Variants in STAG1 observed in about 807,000 individuals in gnomAD.
STAG1 encodes the protein STAG1 cohesin complex component, also known as cohesin subunit SA-1.
Under a neutral mutation model 170.9 loss-of-function variants are expected in STAG1, and 26 were observed. The ratio of observed to expected loss-of-function variants is 0.15; its 90% CI spans 0.11 to 0.21. The LOEUF is 0.21. STAG1 is among the 10% of genes least tolerant of loss of function. The pLI is 1.00. For missense variants in STAG1, 964 were observed against 1,509.5 expected, an observed-to-expected ratio of 0.64 and a Z score of 5.99; for synonymous variants, 514 against 497.7, an observed-to-expected ratio of 1.03 and a Z score of -0.44.
At chr3:136,411,653 AAAT>A (rs1021533192) in intron 21 of STAG1, among the ~76,000 whole-genome samples, 5 of 152,112 alleles carry the variant, frequency 3.3e-5, no homozygotes, top group East Asian at 1.9e-4. Flanking sequence ...GATGCTTAAA[AAAT>A]AATAATAATA....
At chr3:136,537,363 G>A (rs1935680707) in intron 6 of STAG1, among the ~76,000 whole-genome samples, 1 of 152,156 alleles carries the variant, frequency 6.6e-6, no homozygotes. Context: ...AAATTTAACA[G>A]AGTAGCAAAG....
intron 5 of STAG1, among the ~76,000 whole-genome samples, chr3:136,556,577 T>TG (rs1553745182): frequency 6.6e-6 from 1 of 152,058 alleles, no homozygotes; most frequent in Non-Finnish European, 1.5e-5. Context: ...TTCGTTTTTT[T>TG]TTTGTTTGTT....
chr3:136,661,531 T>A (rs190249188), intron 1 of STAG1, among the ~76,000 whole-genome samples: 11 of 152,256 alleles, frequency 7.2e-5, no homozygotes, highest in Middle Eastern at 3.4e-3. Flanking sequence ...TGTATACACA[T>A]ACGAAATATA....
chr3:136,624,134 T>C (rs1283475745), intron 2 of STAG1, among the ~76,000 whole-genome samples: 2 of 151,980 alleles, frequency 1.3e-5, no homozygotes, highest in African/African-American at 2.4e-5. Flanking sequence ...AGTCTCACTC[T>C]GTCGCCCAGG....
At chr3:136,735,715 C>T (rs1934294780) in intron 1 of STAG1, among the ~76,000 whole-genome samples, 1 of 152,110 alleles carries the variant, frequency 6.6e-6, no homozygotes, top group Non-Finnish European at 1.5e-5. Context: ...CGGGTTCAAG[C>T]GATTCCCCTG....
chr3:136,699,551 A>ATT (rs746300449), intron 1 of STAG1, among the ~76,000 whole-genome samples: 11 of 141,582 alleles, frequency 7.8e-5, no homozygotes, highest in African/African-American at 2.1e-4. Context: ...CGTCTAATTT[A>ATT]TTTTTTTTTT....
At chr3:136,517,872 G>C (rs1480182456) in intron 7 of STAG1, among the ~76,000 whole-genome samples, 1 of 151,572 alleles carries the variant, frequency 6.6e-6, no homozygotes, top group East Asian at 1.9e-4. Flanking sequence ...CAAATAACTA[G>C]GACAGTATGT....
intron 8 of STAG1, among the ~76,000 whole-genome samples, chr3:136,500,908 T>C (rs1933430348): frequency 6.6e-6 from 1 of 152,236 alleles, no homozygotes; most frequent in Admixed American, 6.5e-5. Flanking sequence ...GTGTTTATTA[T>C]TACTCAAAAA....
intron 5 of STAG1, among the ~76,000 whole-genome samples, chr3:136,564,154 G>A (rs1936964271): frequency 6.6e-6 from 1 of 152,080 alleles, no homozygotes; most frequent in Non-Finnish European, 1.5e-5. Context: ...ATGAACATTT[G>A]GATTGTTTCC....
At chr3:136,404,380 G>C (rs1400207866) in intron 21 of STAG1, among the ~76,000 whole-genome samples, 2 of 152,048 alleles carry the variant, frequency 1.3e-5, no homozygotes, top group Non-Finnish European at 2.9e-5. Flanking sequence ...CACATTTCTA[G>C]GCAAATTAAC....
At chr3:136,582,666 G>A (rs556162885) in intron 4 of STAG1, among the ~76,000 whole-genome samples, 1 of 152,310 alleles carries the variant, frequency 6.6e-6, no homozygotes, top group South Asian at 2.1e-4. Flanking sequence ...AGGCGTGGTG[G>A]TGCGTGCCTG....
intron 1 of STAG1, chr3:136,736,542 T>C (rs1157103799): frequency 1.3e-6 from 2 of 1,491,732 alleles, no homozygotes; most frequent in Non-Finnish European, 1.9e-6. Context: ...GAAGGTCCGA[T>C]TTATCTTCTC....
At chr3:136,728,429 G>A (rs1458006232) in intron 1 of STAG1, among the ~76,000 whole-genome samples, 4 of 152,288 alleles carry the variant, frequency 2.6e-5, no homozygotes, top group African/African-American at 9.6e-5. Context: ...GACTGCCAGA[G>A]TCTGAATCCC....
chr3:136,530,506 A>G (rs1014077644), intron 6 of STAG1, among the ~76,000 whole-genome samples: 3 of 152,202 alleles, frequency 2.0e-5, no homozygotes, highest in Non-Finnish European at 4.4e-5. Flanking sequence ...TGGATAGACC[A>G]TATGTTAAGC....
chr3:136,447,242 T>C (rs1576473935), intron 14 of STAG1, among the ~76,000 whole-genome samples: 1 of 151,460 alleles, frequency 6.6e-6, no homozygotes, highest in Non-Finnish European at 1.5e-5. Flanking sequence ...CCCAGCACTT[T>C]GGGGGGCCAA....
intron 1 of STAG1, among the ~76,000 whole-genome samples, chr3:136,712,994 G>C (rs573717431): frequency 3.9e-5 from 6 of 152,096 alleles, no homozygotes; most frequent in Non-Finnish European, 7.4e-5. Flanking sequence ...AGGAGGCTGA[G>C]GCAGGAGAAC....
At chr3:136,563,494 C>T (rs1936923720) in intron 5 of STAG1, among the ~76,000 whole-genome samples, 1 of 151,792 alleles carries the variant, frequency 6.6e-6, no homozygotes, top group African/African-American at 2.4e-5. Context: ...CACCTCAATT[C>T]CCTCTAAACT....
chr3:136,383,157 A>C (rs923576240), intron 22 of STAG1, among the ~76,000 whole-genome samples: 19 of 152,206 alleles, frequency 1.2e-4, no homozygotes, highest in Non-Finnish European at 2.6e-4. Context: ...AGGGTGTTAC[A>C]TCAAGATTTT....
At chr3:136,401,048 GA>G (rs1483876028) in intron 21 of STAG1, among the ~76,000 whole-genome samples, 1 of 152,082 alleles carries the variant, frequency 6.6e-6, no homozygotes, top group Non-Finnish European at 1.5e-5. Flanking sequence ...AACCTCTGTA[GA>G]CAACATGAAT....
Sources: allele counts gnomAD v4.1 joint callset (sites outside exome capture counted in the v4.1 genomes callset), GRCh38; gene constraint gnomAD v4.1.1; transcripts MANE v1.5; gene names NCBI Gene and HGNC (gene_info 2026-07-23, HGNC 2026-07-21).